Variants in SIPA1L1 observed in about 807,000 individuals in gnomAD.
SIPA1L1 encodes the protein signal-induced proliferation-associated 1-like protein 1.
SIPA1L1 carries 26 observed loss-of-function variants against 162.7 expected under a neutral mutation model. That is an observed-to-expected ratio of 0.16 (90% CI 0.12 to 0.22). The LOEUF is 0.22. Among genes scored for constraint, SIPA1L1 ranks in the 10% least tolerant of loss-of-function variants. The probability of loss-of-function intolerance (pLI) is 1.00; values close to 1 mark genes in which losing one functional copy is unlikely to be tolerated. For missense variants in SIPA1L1, 1,874 were observed against 2,241.0 expected (o/e 0.84, Z 3.31); for synonymous variants, 829 against 837.4 (o/e 0.99, Z 0.17).
At chr14:71,474,974 G>A (rs1421270686) in intron 2 of SIPA1L1, among the ~76,000 whole-genome samples, 3 of 152,082 alleles carry the variant, frequency 2.0e-5, no homozygotes. Flanking sequence ...ATTTTCTTTT[G>A]AATGTAGAAT....
intron 20 of SIPA1L1, among the ~76,000 whole-genome samples, chr14:71,730,741 C>T (rs1171560663): frequency 1.3e-5 from 2 of 152,192 alleles, no homozygotes; most frequent in Non-Finnish European, 2.9e-5. Flanking sequence ...GTGGTGTCAA[C>T]CACTCATTTG....
intron 2 of SIPA1L1, among the ~76,000 whole-genome samples, chr14:71,348,582 C>T (rs920487565): frequency 2.2e-4 from 34 of 152,252 alleles, no homozygotes; most frequent in African/African-American, 8.2e-4. Context: ...GGCATGCCTT[C>T]CCATTAGATG....
intron 3 of SIPA1L1, among the ~76,000 whole-genome samples, chr14:71,523,277 T>C (rs2052538882): frequency 6.6e-6 from 1 of 152,036 alleles, no homozygotes; most frequent in African/African-American, 2.4e-5. Flanking sequence ...ATATTTGGCA[T>C]AGAGAGAAAA....
intron 2 of SIPA1L1, among the ~76,000 whole-genome samples, chr14:71,381,056 T>C (rs570486903): frequency 6.6e-6 from 1 of 152,298 alleles, no homozygotes; most frequent in South Asian, 2.1e-4. Flanking sequence ...ATATGACTTA[T>C]TTTATTTTAT....
intron 7 of SIPA1L1, among the ~76,000 whole-genome samples, chr14:71,631,429 T>C (rs2040560823): frequency 2.0e-5 from 3 of 152,232 alleles, no homozygotes; most frequent in Non-Finnish European, 4.4e-5. Flanking sequence ...GATGGGCATG[T>C]ATGTGTAGAT....
intron 22 of SIPA1L1, 116 bp downstream of exon 22, chr14:71,735,507 C>G: frequency 1.6e-6 from 1 of 642,772 alleles, no homozygotes; most frequent in South Asian, 2.0e-5. Flanking sequence ...CTGATCACTG[C>G]AGGGCTAGAC....
chr14:71,657,924 A>G (rs966605396), intron 8 of SIPA1L1, among the ~76,000 whole-genome samples: 42 of 152,196 alleles, frequency 2.8e-4, no homozygotes, highest in African/African-American at 9.6e-4. Context: ...ATATTTTCGT[A>G]TTATATTATT....
At chr14:71,570,975 A>G (rs2031881748) in intron 4 of SIPA1L1, among the ~76,000 whole-genome samples, 1 of 151,936 alleles carries the variant, frequency 6.6e-6, no homozygotes, top group Admixed American at 6.6e-5. Context: ...TTTGTATTTT[A>G]GTAGAGGCGG....
At chr14:71,323,266 G>A (rs77519773) in intron 2 of SIPA1L1, among the ~76,000 whole-genome samples, 3,453 of 152,280 alleles carry the variant, frequency 0.023, 122 homozygotes, top group African/African-American at 0.078. Flanking sequence ...GAGTTGTGAT[G>A]TATATATGTT....
chr14:71,517,884 C>T (rs904574422), intron 3 of SIPA1L1, among the ~76,000 whole-genome samples: 2 of 152,064 alleles, frequency 1.3e-5, no homozygotes, highest in African/African-American at 2.4e-5. Context: ...ACTCTGGATA[C>T]TTATATTTTG....
intron 19 of SIPA1L1, among the ~76,000 whole-genome samples, chr14:71,725,280 A>C (rs866763835): frequency 6.6e-6 from 1 of 152,232 alleles, no homozygotes; most frequent in Middle Eastern, 3.4e-3. Context: ...TGGCAAACCT[A>C]CTGGCCATAT....
chr14:71,593,246 C>T (rs1409629568), intron 5 of SIPA1L1, among the ~76,000 whole-genome samples: 1 of 152,092 alleles, frequency 6.6e-6, no homozygotes, highest in Non-Finnish European at 1.5e-5. Context: ...GAGTCTCACT[C>T]TCTCACCTAC....
intron 5 of SIPA1L1, among the ~76,000 whole-genome samples, chr14:71,604,956 T>C (rs1216129596): frequency 1.3e-5 from 2 of 152,164 alleles, no homozygotes; most frequent in South Asian, 2.1e-4. Flanking sequence ...TTTTATCTTA[T>C]TATTTCATTA....
intron 5 of SIPA1L1, among the ~76,000 whole-genome samples, chr14:71,596,829 T>C (rs1270847879): frequency 6.6e-6 from 1 of 152,232 alleles, no homozygotes; most frequent in Non-Finnish European, 1.5e-5. Flanking sequence ...TTTTCTCTTT[T>C]GTAATTTCAA....
intron 10 of SIPA1L1, among the ~76,000 whole-genome samples, chr14:71,665,801 A>G (rs1416434789): frequency 6.6e-6 from 1 of 152,180 alleles, no homozygotes; most frequent in Non-Finnish European, 1.5e-5. Flanking sequence ...GTTTGTTCCT[A>G]TATGATAACG....
intron 13 of SIPA1L1, among the ~76,000 whole-genome samples, chr14:71,688,055 A>G (rs1041549305): frequency 4.6e-5 from 7 of 152,290 alleles, no homozygotes; most frequent in African/African-American, 1.7e-4. Flanking sequence ...ATATATGGTA[A>G]TTAATTGGAT....
intron 14 of SIPA1L1, among the ~76,000 whole-genome samples, chr14:71,699,761 A>G (rs922463134): frequency 6.6e-6 from 1 of 152,246 alleles, no homozygotes; most frequent in African/African-American, 2.4e-5. Flanking sequence ...AGGCCAATAA[A>G]TGAAAGTTAT....
At chr14:71,577,759 T>A (rs2033311672) in intron 4 of SIPA1L1, among the ~76,000 whole-genome samples, 1 of 105,460 alleles carries the variant, frequency 9.5e-6, no homozygotes, top group African/African-American at 3.9e-5. Context: ...TTTGAAACGG[T>A]CTTGCTCTGT....
At chr14:71,686,878 C>T (rs1471647030) in intron 13 of SIPA1L1, among the ~76,000 whole-genome samples, 1 of 152,170 alleles carries the variant, frequency 6.6e-6, no homozygotes, top group African/African-American at 2.4e-5. Flanking sequence ...AAAACATGAG[C>T]CTGACTCATC....
Sources: gnomAD v4.1 joint callset for allele counts (sites outside exome capture counted in the v4.1 genomes callset) on GRCh38, gnomAD v4.1.1 for gene constraint, MANE v1.5 for transcripts, NCBI Gene and HGNC (gene_info 2026-07-23, HGNC 2026-07-21) for gene names.